Variants in PLCE1 observed in about 807,000 individuals in gnomAD.
The protein encoded by PLCE1 is 1-phosphatidylinositol 4,5-bisphosphate phosphodiesterase epsilon-1.
A neutral mutation model predicts 242.8 loss-of-function variants in PLCE1; 119 were observed. The observed-to-expected ratio is 0.49, with a 90% confidence interval of 0.42 to 0.57. The LOEUF is 0.57. PLCE1 is among the 20% of genes least tolerant of loss of function. The pLI is 0.00. For synonymous variants in PLCE1, 945 were observed against 1,017.4 expected (o/e 0.93, Z 1.35); for missense variants, 2,441 against 2,788.8 (o/e 0.88, Z 2.81).
chr10:94,103,287 A>G (rs1389044405), intron 2 of PLCE1, among the ~76,000 whole-genome samples: 2 of 152,194 alleles, frequency 1.3e-5, no homozygotes, highest in Non-Finnish European at 2.9e-5. Flanking sequence ...TAAATGGCAA[A>G]GCTAGGGCTT....
Position 94,233,535 on chromosome 10 carries a change from T to C in PLCE1, c.1956-519T>C, listed in dbSNP as rs191053626. Among the ~76,000 whole-genome samples the C allele has an allele frequency of 2.5e-4, 38 of 152,352 alleles. 1 individual carries two copies. The highest frequency in any genetic ancestry group is 2.9e-5 in the Non-Finnish European group (2 of 68,032). ...CAGCTTCCATAACTAACGCGTCCCA[T>C]ATGCCTATTTGTGTTTGTATCTGTC... On this transcript the variant is annotated intron_variant, in intron 5 of 32. Coordinates refer to ENST00000371380, the MANE Select transcript of PLCE1 (RefSeq NM_016341.4).
intron 1 of PLCE1, among the ~76,000 whole-genome samples, chr10:93,996,035 G>A (rs2060812687): frequency 6.6e-6 from 1 of 152,242 alleles, no homozygotes; most frequent in Non-Finnish European, 1.5e-5. Flanking sequence ...TGGTGGAAGA[G>A]TTTTCTAAAG....
chr10:94,020,304 A>G (rs2061353871), intron 1 of PLCE1, among the ~76,000 whole-genome samples: 1 of 152,204 alleles, frequency 6.6e-6, no homozygotes, highest in Non-Finnish European at 1.5e-5. Flanking sequence ...TTCTTCTTCA[A>G]TAAAGTGCTT....
intron 25 of PLCE1, among the ~76,000 whole-genome samples, chr10:94,305,208 C>A (rs1294840634): frequency 6.6e-6 from 1 of 152,098 alleles, no homozygotes; most frequent in South Asian, 2.1e-4. Context: ...GTGGGTAGAT[C>A]GCTTTGCGCT....
At chr10:94,251,859 C>T (rs2050887264) in intron 8 of PLCE1, among the ~76,000 whole-genome samples, 1 of 152,210 alleles carries the variant, frequency 6.6e-6, no homozygotes, top group South Asian at 2.1e-4. Flanking sequence ...CCCTGTATTT[C>T]AAGTCCGACT....
At position 94,133,460 on chromosome 10, in the gene PLCE1, A is replaced by G. The variant is rs191895912; in HGVS notation, c.1492+1001A>G. Among the ~76,000 whole-genome samples, 9 of 152,328 alleles carry G rather than the reference A, an allele frequency of 5.9e-5. No individual in the cohort carries two copies. The East Asian group carries it at 1.7e-3, about 29-fold the overall frequency. On this transcript the variant is annotated intron_variant, in intron 3 of 32. Coordinates refer to ENST00000371380, the MANE Select transcript of PLCE1 (RefSeq NM_016341.4). ...GCAGGAAGCTGCCAACCAGACAGGG[A>G]CCATGCAAAGCAGCATTCCACTGCC... is the stretch of plus-strand genomic sequence containing the variant.
rs2053140884 is a variant in PLCE1 at position 94,304,574 on chromosome 10, C to T, written c.5551C>T (p.Pro1851Ser). 6.2e-7 allele frequency: 1 copy of T among 1,613,600 alleles called. No individual in the cohort carries two copies. The highest frequency in any genetic ancestry group is 1.3e-5 in the African/African-American group (1 of 74,866). Residue 1851 changes from proline (P) to serine (S), a missense_variant, in exon 25 of 33, where the codon CCC (proline) becomes TCC (serine). Pro to Ser is a moderately conservative substitution (Grantham distance 74, BLOSUM62 -1). Coordinates refer to ENST00000371380, the MANE Select transcript of PLCE1 (RefSeq NM_016341.4). ...KPPVLWDKNC[P>S]MYQKFSPLER... ...TCCAGTTCTGTGGGACAAGAACTGC[C>T]CCATGTATCAGAAGTTTTCTCCACT...
At chr10:94,313,476 T>A in intron 28 of PLCE1, 94 bp downstream of exon 28, 1 of 1,382,360 alleles carries the variant, frequency 7.2e-7, no homozygotes, top group South Asian at 1.2e-5. Context: ...CATACACAGA[T>A]GCACATGAAT....
intron 18 of PLCE1, among the ~76,000 whole-genome samples, chr10:94,272,338 C>A (rs771258156): frequency 6.6e-6 from 1 of 152,178 alleles, no homozygotes; most frequent in Non-Finnish European, 1.5e-5. Flanking sequence ...CCTACTTGCA[C>A]GTCTGTTTAT....
At chr10:94,121,877 C>G (rs1366509796) in intron 2 of PLCE1, among the ~76,000 whole-genome samples, 4 of 152,128 alleles carry the variant, frequency 2.6e-5, no homozygotes, top group African/African-American at 4.8e-5. Context: ...AGTGCTGGTC[C>G]AGAAGCAATG....
chr10:94,040,003 G>A (rs1331594149), intron 2 of PLCE1, among the ~76,000 whole-genome samples: 6 of 152,230 alleles, frequency 3.9e-5, no homozygotes, highest in African/African-American at 1.4e-4. Context: ...GATCAGGCAA[G>A]TGGCAAAGGA....
At chr10:94,011,540 G>A (rs2061167836) in intron 1 of PLCE1, among the ~76,000 whole-genome samples, 1 of 152,150 alleles carries the variant, frequency 6.6e-6, no homozygotes, top group African/African-American at 2.4e-5. Flanking sequence ...GGAAGAGCTG[G>A]AGGCTATGGG....
At chr10:94,264,200 C>G (rs560908375) in intron 14 of PLCE1, among the ~76,000 whole-genome samples, 1 of 152,152 alleles carries the variant, frequency 6.6e-6, no homozygotes, top group South Asian at 2.1e-4. Context: ...GCAAAGGCCA[C>G]TTGGAAGAGG....
chr10:94,005,299 G>C (rs1268241569), intron 1 of PLCE1, among the ~76,000 whole-genome samples: 1 of 152,180 alleles, frequency 6.6e-6, no homozygotes, highest in Non-Finnish European at 1.5e-5. Flanking sequence ...GGTTGCTCTT[G>C]TATTGAGGAA....
intron 2 of PLCE1, among the ~76,000 whole-genome samples, chr10:94,081,409 A>G (rs183651559): frequency 3.7e-4 from 57 of 152,324 alleles, no homozygotes; most frequent in African/African-American, 1.4e-3. Context: ...GGAAATCCTT[A>G]TGCTGAGATT....
chr10:94,308,792 TATTA>T, intron 27 of PLCE1, 93 bp downstream of exon 27: 3 of 821,974 alleles, frequency 3.6e-6, no homozygotes, highest in South Asian at 2.7e-5. Context: ...CGGTGTGAGT[TATTA>T]ATTAGGTAGC....
intron 2 of PLCE1, among the ~76,000 whole-genome samples, chr10:94,068,878 GC>G (rs1041540247): frequency 6.6e-6 from 1 of 152,168 alleles, no homozygotes; most frequent in Non-Finnish European, 1.5e-5. Flanking sequence ...TTTGTTACAT[GC>G]CTATCTTCCT....
rs900948836 is a variant in PLCE1, at chr10:94,138,006, C to T, written c.1492+5547C>T. 8 of 379,766 alleles carry T rather than the reference C, an allele frequency of 2.1e-5. 1 individual carries two copies. The highest frequency in any genetic ancestry group is 2.0e-4 in the South Asian group (8 of 39,690). 23.5% of individuals were successfully genotyped at this position (379,766 alleles called of 1,614,324 possible). ...AACATGTCTGAGTACAGCCAGCAGG[C>T]ACAGAGATTCAACATTGGTGAGGAC... is the stretch of plus-strand genomic sequence containing the variant. On this transcript the variant is annotated intron_variant, in intron 3 of 32. Transcript: ENST00000371380.
chr10:94,208,168 G>A (rs191718811), intron 4 of PLCE1, among the ~76,000 whole-genome samples: 36 of 152,204 alleles, frequency 2.4e-4, no homozygotes, highest in African/African-American at 8.2e-4. Flanking sequence ...ACTGTGTGGC[G>A]GAGACACCTG....
Sources: allele counts gnomAD v4.1 joint callset (sites outside exome capture counted in the v4.1 genomes callset), GRCh38; gene constraint gnomAD v4.1.1; transcripts MANE v1.5; gene names NCBI Gene and HGNC (gene_info 2026-07-23, HGNC 2026-07-21).